RNPC3: variants seen among roughly 807,000 people sequenced by gnomAD.
RNPC3 encodes RNA-binding region-containing protein 3.
A neutral mutation model predicts 67.5 loss-of-function variants in RNPC3; 48 were observed. The ratio of observed to expected loss-of-function variants is 0.71; its 90% CI spans 0.56 to 0.90. The LOEUF is 0.90. Ranked by LOEUF, RNPC3 falls within the 40% of genes least tolerant of loss-of-function variation. The probability of loss-of-function intolerance (pLI) is 0.00; values close to 1 mark genes in which losing one functional copy is unlikely to be tolerated. For missense variants in RNPC3, 637 were observed against 626.1 expected, an observed-to-expected ratio of 1.02 and a Z score of -0.19; for synonymous variants, 239 against 210.3, an observed-to-expected ratio of 1.14 and a Z score of -1.18.
chr1:103,537,426 G>A lies in RNPC3; in HGVS notation c.709G>A (p.Glu237Lys). The change falls in exon 7 of 15, where the codon GAG becomes AAG. Residue 237 changes from glutamate to lysine, a missense_variant. Transcript: ENST00000423855. ...PEEPPLPDED[E>K]ELSSEESEYE... Reference sequence around the variant, plus strand: ...GGAACCTCCTTTGCCAGACGAGGATGAGGAATTATCTAGTGAAGAATCAGA... The same window carrying A: ...GGAACCTCCTTTGCCAGACGAGGATAAGGAATTATCTAGTGAAGAATCAGA... 6.5e-7 allele frequency: 1 copy of A among 1,536,720 alleles called. No individual in the cohort carries two copies.
chr1:103,543,169 G>A, intron 8 of RNPC3, 127 bp from the exon 9 acceptor site: 1 of 571,216 alleles, frequency 1.8e-6, no homozygotes. Context: ...TCACTTTATT[G>A]AATATCAAAA....
intron 14 of RNPC3, 162 bp downstream of exon 14, chr1:103,551,954 A>G (rs1651400753): frequency 2.2e-6 from 1 of 459,568 alleles, no homozygotes; most frequent in Non-Finnish European, 3.8e-6. Context: ...AACTATAACT[A>G]CAGATTAAAA....
At chr1:103,528,181 C>T (rs1650761845) in intron 2 of RNPC3, among the ~76,000 whole-genome samples, 1 of 152,098 alleles carries the variant, frequency 6.6e-6, no homozygotes, top group Non-Finnish European at 1.5e-5. Context: ...AGCTGTGAGA[C>T]ATTGGAAGTT....
At chr1:103,538,393 C>T (rs1221571728) in intron 7 of RNPC3, among the ~76,000 whole-genome samples, 1 of 152,114 alleles carries the variant, frequency 6.6e-6, no homozygotes, top group Non-Finnish European at 1.5e-5. Flanking sequence ...TGTTGAAGTG[C>T]TCTTTAGTGT....
At chr1:103,550,426 G>C (rs1254073439) in intron 12 of RNPC3, among the ~76,000 whole-genome samples, 3 of 151,822 alleles carry the variant, frequency 2.0e-5, no homozygotes, top group African/African-American at 7.3e-5. Flanking sequence ...GAGGTCACGA[G>C]GTCAGGAGAT....
intron 5 of RNPC3, 47 bp from the exon 6 acceptor site, chr1:103,536,079 G>C: frequency 7.4e-7 from 1 of 1,342,972 alleles, no homozygotes; most frequent in Non-Finnish European, 1.0e-6. Flanking sequence ...TACAAGATGT[G>C]AGTTGAATCA....
At chr1:103,547,653 A>T (rs745621414) in intron 12 of RNPC3, among the ~76,000 whole-genome samples, 1 of 152,232 alleles carries the variant, frequency 6.6e-6, no homozygotes, top group African/African-American at 2.4e-5. Context: ...TTAGATTCTT[A>T]TTCTGACAGT....
chr1:103,526,226 T>C lies in RNPC3; in HGVS notation c.156T>C (p.Ala52=). 1 of 1,551,160 alleles carries C rather than the reference T, an allele frequency of 6.4e-7. No homozygotes were observed. Among genetic ancestry groups the C allele is most frequent in the Non-Finnish European group, 8.7e-7 (1 of 1,146,764 alleles). ...AGGACTTGCTGAAGTACTTCGGGGC[T>C]CAGTCTGTGCGGGTCCTGTCAGATA... ...EKEDLLKYFG[A]QSVRVLSDKG... is the part of the protein sequence containing the mutation. Residue 52 remains alanine, a synonymous_variant, in exon 1 of 15, where the codon GCT becomes GCC. Coordinates refer to ENST00000423855, the MANE Select transcript of RNPC3 (RefSeq NM_017619.4).
At chr1:103,527,605 T>A in intron 1 of RNPC3, 90 bp from the exon 2 acceptor site, 1 of 899,088 alleles carries the variant, frequency 1.1e-6, no homozygotes, top group South Asian at 1.5e-5. Context: ...TTTATTAACA[T>A]GTCACATTAC....
At chr1:103,548,262 T>G (rs1651295970) in intron 12 of RNPC3, among the ~76,000 whole-genome samples, 1 of 152,164 alleles carries the variant, frequency 6.6e-6, no homozygotes, top group South Asian at 2.1e-4. Flanking sequence ...TTCTCCTCTT[T>G]CTTTTCTGTT....
intron 6 of RNPC3, 92 bp downstream of exon 6, chr1:103,536,286 A>G (rs1650985013): frequency 1.2e-6 from 1 of 824,642 alleles, no homozygotes; most frequent in Admixed American, 2.2e-5. Flanking sequence ...GCAACCTCTG[A>G]TGTACATTGA....
intron 9 of RNPC3, 72 bp from the exon 10 acceptor site, chr1:103,544,869 A>T: frequency 1.2e-6 from 1 of 860,680 alleles, no homozygotes; most frequent in South Asian, 2.0e-5. Context: ...AATATAAAAT[A>T]GGAGGTGGGG....
intron 1 of RNPC3, 76 bp from the exon 2 acceptor site, chr1:103,527,619 A>G: frequency 9.4e-7 from 1 of 1,062,870 alleles, no homozygotes; most frequent in Admixed American, 2.1e-5. Context: ...ACATTACTCC[A>G]CTGGTAAAAA....
intron 6 of RNPC3, among the ~76,000 whole-genome samples, chr1:103,536,649 T>C (rs1650994579): frequency 6.6e-6 from 1 of 152,200 alleles, no homozygotes; most frequent in African/African-American, 2.4e-5. Context: ...GCTGTAGTAC[T>C]AGTATATTTA....
chr1:103,551,132 A>G, intron 13 of RNPC3, 59 bp downstream of exon 13: 1 of 1,382,080 alleles, frequency 7.2e-7, no homozygotes, highest in Non-Finnish European at 9.8e-7. Context: ...TATAACTGAA[A>G]TTAATTTTCA....
chr1:103,535,298 CAT>C (rs1650953515), intron 4 of RNPC3, 30 bp from the exon 5 acceptor site: 1 of 1,380,342 alleles, frequency 7.2e-7, no homozygotes, highest in South Asian at 1.2e-5. Flanking sequence ...ATTATGAAAA[CAT>C]AAGCATCTTA....
chr1:103,533,980 T>G, intron 3 of RNPC3, 123 bp downstream of exon 3: 1 of 639,064 alleles, frequency 1.6e-6, no homozygotes, highest in Non-Finnish European at 2.7e-6. Flanking sequence ...AATGACAGAT[T>G]TTTCCATTAA....
At chr1:103,551,628 C>CATACTCCCAAAATTAAAAAACT in intron 13 of RNPC3, 93 bp from the exon 14 acceptor site, 1 of 749,910 alleles carries the variant, frequency 1.3e-6, no homozygotes, top group Non-Finnish European at 2.2e-6. Context: ...ATTAAAAAAC[C>CATACTCCCAAAATTAAAAAACT]ATACTCCCAC....
intron 10 of RNPC3, 149 bp downstream of exon 10, chr1:103,545,251 G>GT (rs1027679442): frequency 2.6e-4 from 156 of 608,010 alleles, no homozygotes; most frequent in African/African-American, 1.1e-3. Context: ...CACTTCTTCT[G>GT]TTTTTTTTAA....
Sources: gnomAD v4.1 joint callset for allele counts (sites outside exome capture counted in the v4.1 genomes callset) on GRCh38, gnomAD v4.1.1 for gene constraint, MANE v1.5 for transcripts, NCBI Gene and HGNC (gene_info 2026-07-23, HGNC 2026-07-21) for gene names.